The following NAA11 variants were observed in gnomAD, a reference collection of about 807,000 sequenced individuals.
NAA11 encodes N-alpha-acetyltransferase 11.
In NAA11, 15 loss-of-function variants were observed where a neutral mutation model predicts 16.1. The ratio of observed to expected loss-of-function variants is 0.93; its 90% CI spans 0.62 to 1.44. NAA11 has a LOEUF of 1.44. NAA11 is among the 40% of genes most tolerant of loss of function. The pLI, the probability that NAA11 is intolerant of heterozygous loss-of-function variation, is 0.00. For missense variants in NAA11, 298 were observed against 291.3 expected, an observed-to-expected ratio of 1.02 and a Z score of -0.17; for synonymous variants, 122 against 112.4, an observed-to-expected ratio of 1.09 and a Z score of -0.54.
the NAA11 span, among the ~76,000 whole-genome samples, chr4:79,162,257 T>C: frequency 6.6e-6 from 1 of 152,132 alleles, no homozygotes; most frequent in African/African-American, 2.4e-5. Flanking sequence ...AGCTTCTAGG[T>C]TGGGAAAGGT....
chr4:79,247,019 A>G (rs554005992), intron 2 of NAA11, among the ~76,000 whole-genome samples: 1 of 152,328 alleles, frequency 6.6e-6, no homozygotes, highest in Non-Finnish European at 1.5e-5. Flanking sequence ...TTGTAAGTCA[A>G]GTCAGGAATG....
chr4:79,241,367 C>G (rs937106991), intron 2 of NAA11, among the ~76,000 whole-genome samples: 1 of 152,096 alleles, frequency 6.6e-6, no homozygotes, highest in Admixed American at 6.6e-5. Context: ...TTCCAGTCAA[C>G]AGAAGGCTAT....
At chr4:79,255,117 AAACTGATC>A (rs1480663341) in intron 2 of NAA11, among the ~76,000 whole-genome samples, 21 of 152,328 alleles carry the variant, frequency 1.4e-4, no homozygotes, top group Middle Eastern at 6.8e-3. Flanking sequence ...AAGACAGGGA[AAACTGATC>A]TATAGTTTCA....
At chr4:79,230,044 C>G (rs2109954843) in intron 2 of NAA11, among the ~76,000 whole-genome samples, 1 of 152,034 alleles carries the variant, frequency 6.6e-6, no homozygotes, top group Non-Finnish European at 1.5e-5. Flanking sequence ...ATCTATGTCC[C>G]TACAAAGGAC....
At chr4:79,160,365 T>C in the NAA11 span, among the ~76,000 whole-genome samples, 1 of 152,230 alleles carries the variant, frequency 6.6e-6, no homozygotes, top group Non-Finnish European at 1.5e-5. Context: ...TATGGACTAT[T>C]GTTTTCAATT....
At chr4:79,218,841 G>T in the NAA11 span, among the ~76,000 whole-genome samples, 1 of 152,026 alleles carries the variant, frequency 6.6e-6, no homozygotes, top group Non-Finnish European at 1.5e-5. Context: ...AGGATCAAGA[G>T]ATGTATATGC....
At chr4:79,262,279 A>G (rs937937604) in intron 2 of NAA11, among the ~76,000 whole-genome samples, 1 of 152,208 alleles carries the variant, frequency 6.6e-6, no homozygotes, top group Non-Finnish European at 1.5e-5. Flanking sequence ...TTGGAAATAG[A>G]ATAGTGTGAT....
At chr4:79,239,624 C>T (rs540545667) in intron 2 of NAA11, among the ~76,000 whole-genome samples, 5 of 152,140 alleles carry the variant, frequency 3.3e-5, no homozygotes, top group Middle Eastern at 3.4e-3. Flanking sequence ...CGCTTGAACC[C>T]GGAAGGCGGA....
At chr4:79,218,083 A>G in the NAA11 span, among the ~76,000 whole-genome samples, 1 of 152,172 alleles carries the variant, frequency 6.6e-6, no homozygotes, top group South Asian at 2.1e-4. Flanking sequence ...CTGGTAATAT[A>G]TACTCTCCTC....
chr4:79,162,042 C>T, the NAA11 span, among the ~76,000 whole-genome samples: 1 of 152,154 alleles, frequency 6.6e-6, no homozygotes, highest in East Asian at 1.9e-4. Context: ...GCATGTGTTG[C>T]ACTTCTTTGA....
At chr4:79,190,986 C>T in the NAA11 span, among the ~76,000 whole-genome samples, 136,875 of 152,234 alleles carry the variant, frequency 0.9, 61,697 homozygotes, top group Non-Finnish European at 0.93. Context: ...TCTATATTCC[C>T]GCAAAATACA....
intron 2 of NAA11, among the ~76,000 whole-genome samples, chr4:79,279,865 C>T (rs1722744731): frequency 1.3e-5 from 2 of 151,944 alleles, no homozygotes; most frequent in African/African-American, 4.8e-5. Flanking sequence ...AAATCAAATC[C>T]CTGGTGCTAC....
chr4:79,180,041 A>C, the NAA11 span, among the ~76,000 whole-genome samples: 1 of 152,150 alleles, frequency 6.6e-6, no homozygotes, highest in Non-Finnish European at 1.5e-5. Context: ...AACTGCCCCC[A>C]TGATTCATTT....
the NAA11 span, among the ~76,000 whole-genome samples, chr4:79,159,198 C>A: frequency 6.6e-6 from 1 of 152,108 alleles, no homozygotes; most frequent in Non-Finnish European, 1.5e-5. Flanking sequence ...TCTGGCAAAG[C>A]ACTAATATGC....
At chr4:79,215,559 G>C in the NAA11 span, among the ~76,000 whole-genome samples, 1 of 152,174 alleles carries the variant, frequency 6.6e-6, no homozygotes, top group Non-Finnish European at 1.5e-5. Flanking sequence ...CCATGAAAAA[G>C]TAAGACTCTA....
At chr4:79,173,014 T>G in the NAA11 span, among the ~76,000 whole-genome samples, 1 of 152,122 alleles carries the variant, frequency 6.6e-6, no homozygotes, top group South Asian at 2.1e-4. Context: ...CACTTGTTGC[T>G]CTCTTAGTTC....
chr4:79,168,339 A>G, the NAA11 span, among the ~76,000 whole-genome samples: 4 of 152,186 alleles, frequency 2.6e-5, no homozygotes, highest in Admixed American at 6.5e-5. Flanking sequence ...ATATGTGTGC[A>G]TGTGTCTTTA....
the NAA11 span, among the ~76,000 whole-genome samples, chr4:79,163,372 T>G: frequency 2.0e-5 from 3 of 152,096 alleles, no homozygotes; most frequent in African/African-American, 7.2e-5. Flanking sequence ...ATAAAAACAT[T>G]AAGCAGGCCC....
chr4:79,210,346 A>G, the NAA11 span, among the ~76,000 whole-genome samples: 3 of 152,148 alleles, frequency 2.0e-5, no homozygotes, highest in Non-Finnish European at 4.4e-5. Context: ...AGGGTAGAGC[A>G]TGTTACAAGG....
Sources: allele counts gnomAD v4.1 joint callset (sites outside exome capture counted in the v4.1 genomes callset), GRCh38; gene constraint gnomAD v4.1.1; transcripts MANE v1.5; gene names NCBI Gene and HGNC (gene_info 2026-07-23, HGNC 2026-07-21).